The following ESR1 variants were observed in gnomAD, a reference collection of about 807,000 sequenced individuals.
ESR1 encodes estrogen receptor 1.
A neutral mutation model predicts 52.7 loss-of-function variants in ESR1; 12 were observed. The ratio of observed to expected loss-of-function variants is 0.23; its 90% CI spans 0.15 to 0.37. The LOEUF (loss-of-function observed/expected upper bound fraction) is 0.37. Ranked by LOEUF, ESR1 falls within the 10% of genes least tolerant of loss-of-function variation. ESR1 has a pLI of 1.00. For missense variants in ESR1, 584 were observed against 779.7 expected, an observed-to-expected ratio of 0.75 and a Z score of 2.99; for synonymous variants, 305 against 316.8, an observed-to-expected ratio of 0.96 and a Z score of 0.39.
intron 1 of ESR1, among the ~76,000 whole-genome samples, chr6:151,673,541 C>G (rs1227725102): frequency 6.6e-6 from 1 of 152,052 alleles, no homozygotes; most frequent in Non-Finnish European, 1.5e-5. Context: ...TTTTATCTTT[C>G]TAAGACTGTA....
chr6:152,032,295 A>G (rs2044792039), intron 5 of ESR1, among the ~76,000 whole-genome samples: 1 of 152,226 alleles, frequency 6.6e-6, no homozygotes, highest in Admixed American at 6.5e-5. Flanking sequence ...GGTTAGGGCA[A>G]TCAGGCAGGA....
intron 6 of ESR1, among the ~76,000 whole-genome samples, chr6:152,077,431 A>G (rs1333469983): frequency 6.6e-6 from 1 of 151,960 alleles, no homozygotes; most frequent in Non-Finnish European, 1.5e-5. Context: ...TGGGGTTGGA[A>G]CCCCCACACA....
Position 152,001,365 on chromosome 6 carries a change from G to T in ESR1, c.1097-10291G>T. On this transcript the variant is annotated intron_variant, in intron 4 of 7. Coordinates refer to ENST00000206249, the MANE Select transcript of ESR1 (RefSeq NM_000125.4). ...ACATGCAAAGAGAAAGAAAGGGGAC[G>T]AAAGGGGCTAACTCACTTTGTAACT... Among the ~76,000 whole-genome samples, 3 of 152,130 alleles carry T rather than the reference G, an allele frequency of 2.0e-5. No individual in the cohort carries two copies. The Middle Eastern group carries it at 0.01, about 521-fold the overall frequency.
intron 5 of ESR1, among the ~76,000 whole-genome samples, chr6:152,034,876 A>G (rs146365503): frequency 2.9e-4 from 44 of 152,356 alleles, no homozygotes; most frequent in African/African-American, 1.0e-3. Context: ...CTGAACTATC[A>G]CATGGAACTT....
chr6:152,127,089 C>G (rs758814523), exon 7 of ESR1: 3 of 152,108 alleles, frequency 2.0e-5, no homozygotes, highest in Non-Finnish European at 4.4e-5. Context: ...CAAGTTAGGA[C>G]CCAGGTCTTC....
At chr6:151,660,774 C>T (rs1402089983) in intron 1 of ESR1, among the ~76,000 whole-genome samples, 1 of 152,164 alleles carries the variant, frequency 6.6e-6, no homozygotes, top group Non-Finnish European at 1.5e-5. Flanking sequence ...AAAGATATCA[C>T]ATATATGTGC....
intron 5 of ESR1, among the ~76,000 whole-genome samples, chr6:152,031,261 T>A (rs1246657557): frequency 6.6e-6 from 1 of 151,932 alleles, no homozygotes; most frequent in African/African-American, 2.4e-5. Flanking sequence ...GTTCAAAAGC[T>A]AGCAGAAGAC....
rs1455345219 is a variant in ESR1, at chr6:152,043,952, C to T, written c.1236-17039C>T. Among the ~76,000 whole-genome samples, 6 of 152,096 alleles carry T rather than the reference C, an allele frequency of 3.9e-5. No homozygotes were observed. The East Asian group carries it at 1.2e-3, about 29-fold the overall frequency. Reference sequence around the variant, plus strand: ...TTCCGCAATTTCAGCTCTTTCTCTACAGGAGATAAGACTCGAACCCAGGGC... The same window carrying T: ...TTCCGCAATTTCAGCTCTTTCTCTATAGGAGATAAGACTCGAACCCAGGGC... On this transcript the variant is annotated intron_variant, in intron 5 of 7. Transcript: ENST00000206249.
At chr6:152,074,123 A>T (rs2048550180) in intron 6 of ESR1, among the ~76,000 whole-genome samples, 2 of 152,136 alleles carry the variant, frequency 1.3e-5, no homozygotes, top group South Asian at 4.1e-4. Context: ...ACACGTCATT[A>T]TCACCCAAAG....
chr6:152,048,747 T>C (rs1436077393), intron 5 of ESR1, among the ~76,000 whole-genome samples: 1 of 152,212 alleles, frequency 6.6e-6, no homozygotes, highest in Non-Finnish European at 1.5e-5. Context: ...TAAAAAATAG[T>C]ATTCAGCTAA....
At chr6:152,088,101 G>A (rs9322357) in intron 6 of ESR1, among the ~76,000 whole-genome samples, 2 of 152,016 alleles carry the variant, frequency 1.3e-5, no homozygotes, top group African/African-American at 2.4e-5. Context: ...AATTAAAAAT[G>A]TAATGTATTT....
At chr6:151,900,868 G>A (rs910686905) in intron 3 of ESR1, among the ~76,000 whole-genome samples, 15 of 152,354 alleles carry the variant, frequency 9.8e-5, no homozygotes, top group African/African-American at 3.6e-4. Flanking sequence ...AATGGACTCT[G>A]CAGGGGTCCT....
chr6:151,833,757 C>T (rs1782825606), intron 1 of ESR1, among the ~76,000 whole-genome samples: 1 of 152,148 alleles, frequency 6.6e-6, no homozygotes, highest in Non-Finnish European at 1.5e-5. Context: ...TTTATTTATG[C>T]ACATGTTGAT....
At chr6:152,117,184 G>A (rs1171857898) in intron 6 of ESR1, among the ~76,000 whole-genome samples, 1 of 152,218 alleles carries the variant, frequency 6.6e-6, no homozygotes, top group Non-Finnish European at 1.5e-5. Context: ...ACAAGGAGGT[G>A]TGGGGCAAGG....
chr6:151,743,212 G>T (rs535302777), intron 2 of ESR1, among the ~76,000 whole-genome samples: 1 of 152,116 alleles, frequency 6.6e-6, no homozygotes, highest in African/African-American at 2.4e-5. Flanking sequence ...TGTTGGGAAG[G>T]CCTGGTGGGA....
intron 1 of ESR1, 42 bp downstream of exon 1, chr6:151,808,406 C>A (rs747052712): frequency 3.6e-6 from 1 of 275,848 alleles, no homozygotes; most frequent in Non-Finnish European, 6.6e-6. Context: ...CCGCCGCGCC[C>A]GGCAGGAGGG....
chr6:152,091,968 G>T (rs1039167928), intron 6 of ESR1, among the ~76,000 whole-genome samples: 2 of 152,196 alleles, frequency 1.3e-5, no homozygotes, highest in Non-Finnish European at 2.9e-5. Context: ...AGGATATCCA[G>T]CCGGAGGCAG....
At chr6:151,670,762 GTT>G (rs35606990) in intron 1 of ESR1, among the ~76,000 whole-genome samples, 47 of 85,764 alleles carry the variant, frequency 5.5e-4, no homozygotes, top group Middle Eastern at 0.011. Context: ...TTTTGTTTTC[GTT>G]TTTTTTTTTT....
chr6:151,777,868 G>A (rs1175528034), intron 2 of ESR1, among the ~76,000 whole-genome samples: 2 of 152,172 alleles, frequency 1.3e-5, no homozygotes, highest in East Asian at 3.9e-4. Context: ...GCTGAGGCAG[G>A]AGAATCGCTT....
Sources: gnomAD v4.1 joint callset for allele counts (sites outside exome capture counted in the v4.1 genomes callset) on GRCh38, gnomAD v4.1.1 for gene constraint, MANE v1.5 for transcripts, NCBI Gene and HGNC (gene_info 2026-07-23, HGNC 2026-07-21) for gene names.